SH3RF2: variants seen among roughly 807,000 people sequenced by gnomAD.
SH3RF2 encodes the protein E3 ubiquitin-protein ligase SH3RF2.
In SH3RF2, 43 loss-of-function variants were observed where a neutral mutation model predicts 59.0. That is an observed-to-expected ratio of 0.73 (90% CI 0.57 to 0.94). SH3RF2 has a LOEUF of 0.94. Ranked by LOEUF, SH3RF2 falls within the 40% of genes least tolerant of loss-of-function variation. The probability of loss-of-function intolerance (pLI) is 0.00; values close to 1 mark genes in which losing one functional copy is unlikely to be tolerated. For missense variants in SH3RF2, 930 were observed against 940.1 expected, an observed-to-expected ratio of 0.99 and a Z score of 0.14; for synonymous variants, 391 against 391.5, an observed-to-expected ratio of 1.00 and a Z score of 0.01.
downstream of SH3RF2, among the ~76,000 whole-genome samples, chr5:146,067,246 G>T (rs369130088): frequency 5.3e-5 from 8 of 152,266 alleles, 1 homozygote; most frequent in African/African-American, 4.8e-5. Flanking sequence ...GAAAAGTCAG[G>T]GGGTCCGTCC....
chr5:146,035,978 C>T (rs375906532), intron 5 of SH3RF2, among the ~76,000 whole-genome samples: 4 of 152,156 alleles, frequency 2.6e-5, no homozygotes, highest in African/African-American at 4.8e-5. Flanking sequence ...GAGTAAATGC[C>T]GTGAGGAGAA....
intron 4 of SH3RF2, among the ~76,000 whole-genome samples, chr5:146,009,555 G>A (rs778326222): frequency 2.0e-4 from 30 of 151,994 alleles, no homozygotes; most frequent in African/African-American, 6.0e-4. Flanking sequence ...CCACCTTCTC[G>A]GCAGATCTTC....
At chr5:146,045,754 G>T (rs11740577) in intron 5 of SH3RF2, among the ~76,000 whole-genome samples, 2 of 152,012 alleles carry the variant, frequency 1.3e-5, no homozygotes, top group Non-Finnish European at 1.5e-5. Flanking sequence ...GTTGTTTCCC[G>T]CTTTGGGTTA....
At chr5:145,953,921 G>C (rs1561707345) in intron 2 of SH3RF2, among the ~76,000 whole-genome samples, 1 of 152,168 alleles carries the variant, frequency 6.6e-6, no homozygotes, top group Non-Finnish European at 1.5e-5. Context: ...GTATTTCACG[G>C]TGTATATATA....
At chr5:145,998,818 G>C (rs1294331857) in intron 2 of SH3RF2, among the ~76,000 whole-genome samples, 1 of 152,158 alleles carries the variant, frequency 6.6e-6, no homozygotes, top group Non-Finnish European at 1.5e-5. Context: ...GGCTGAGGCA[G>C]GAGAATCACT....
At chr5:146,011,308 T>C (rs1177276840) in intron 4 of SH3RF2, among the ~76,000 whole-genome samples, 1 of 152,154 alleles carries the variant, frequency 6.6e-6, no homozygotes, top group African/African-American at 2.4e-5. Flanking sequence ...TGAAGTCAGG[T>C]AGCGTGATGC....
chr5:146,004,840 A>C (rs1760574891), intron 4 of SH3RF2, among the ~76,000 whole-genome samples: 1 of 152,178 alleles, frequency 6.6e-6, no homozygotes, highest in Non-Finnish European at 1.5e-5. Context: ...AGAGTTCTAA[A>C]GATCTGTTTC....
At chr5:145,937,727 T>C (rs992861441) in intron 1 of SH3RF2, 96 bp from the exon 2 acceptor site, 2 of 608,812 alleles carry the variant, frequency 3.3e-6, no homozygotes, top group Admixed American at 3.0e-5. Flanking sequence ...ACAAAGTACT[T>C]GCAAACTGCC....
At chr5:145,977,116 A>T (rs777634883) in intron 2 of SH3RF2, among the ~76,000 whole-genome samples, 2 of 152,256 alleles carry the variant, frequency 1.3e-5, no homozygotes, top group African/African-American at 4.8e-5. Flanking sequence ...GCCTCGGCAG[A>T]GGCCAAGCAA....
chr5:146,063,720 C>A (rs1762977185), downstream of SH3RF2, among the ~76,000 whole-genome samples: 1 of 152,064 alleles, frequency 6.6e-6, no homozygotes, highest in African/African-American at 2.4e-5. Context: ...ATTAGCCAGG[C>A]ATGATGGCGC....
intron 5 of SH3RF2, among the ~76,000 whole-genome samples, chr5:146,021,138 T>C (rs914047278): frequency 6.6e-6 from 1 of 151,882 alleles, no homozygotes; most frequent in Non-Finnish European, 1.5e-5. Context: ...AATGGTTTAC[T>C]TAGCACTAAT....
At position 146,009,242 on chromosome 5, in the gene SH3RF2, T is replaced by A. The variant is rs112139424; in HGVS notation, c.745-4505T>A. ...AGCTTTTAAAAGCATAAATCAGATCTTATCACTCCTCTACCTAAGTCCTGC... is the reference window on the plus strand; with the variant it reads ...AGCTTTTAAAAGCATAAATCAGATCATATCACTCCTCTACCTAAGTCCTGC... On this transcript the variant is annotated intron_variant, in intron 4 of 9. Coordinates refer to ENST00000359120, the MANE Select transcript of SH3RF2 (RefSeq NM_152550.4). 9.8e-5 allele frequency among the ~76,000 whole-genome samples: 15 copies of A among 152,318 alleles called. 3 individuals carry two copies. The highest frequency in any genetic ancestry group is 3.6e-4 in the African/African-American group (15 of 41,566).
At chr5:145,996,167 G>A (rs979337169) in intron 2 of SH3RF2, among the ~76,000 whole-genome samples, 6 of 152,136 alleles carry the variant, frequency 3.9e-5, no homozygotes, top group African/African-American at 7.2e-5. Context: ...TAAGCTGCTC[G>A]GAATTCTTCT....
At chr5:146,022,874 A>AC (rs1761381169) in intron 5 of SH3RF2, among the ~76,000 whole-genome samples, 1 of 141,964 alleles carries the variant, frequency 7.0e-6, no homozygotes, top group Admixed American at 6.9e-5. Context: ...GCTCCATCTA[A>AC]ACACACACAC....
intron 5 of SH3RF2, among the ~76,000 whole-genome samples, chr5:146,034,356 G>A (rs1761852785): frequency 6.6e-6 from 1 of 152,194 alleles, no homozygotes; most frequent in Non-Finnish European, 1.5e-5. Context: ...GGCACCACAG[G>A]CTGGGACCTC....
chr5:146,003,683 G>A (rs1459674905), intron 3 of SH3RF2, among the ~76,000 whole-genome samples: 4 of 152,142 alleles, frequency 2.6e-5, no homozygotes, highest in African/African-American at 9.6e-5. Flanking sequence ...TCTTCAAAAT[G>A]AGCATAAAAT....
chr5:146,012,345 C>T (rs1331605425), intron 4 of SH3RF2, among the ~76,000 whole-genome samples: 1 of 152,122 alleles, frequency 6.6e-6, no homozygotes, highest in African/African-American at 2.4e-5. Flanking sequence ...GTGTCTCTGC[C>T]AGGCTTTGGT....
chr5:146,001,294 G>A (rs747037125), intron 3 of SH3RF2, among the ~76,000 whole-genome samples: 12 of 152,190 alleles, frequency 7.9e-5, no homozygotes, highest in South Asian at 2.1e-4. Flanking sequence ...GTGATAAGTA[G>A]ATCAAATGTA....
At chr5:146,069,862 C>A (rs1480717727) in intron 9 of SH3RF2, among the ~76,000 whole-genome samples, 2 of 152,020 alleles carry the variant, frequency 1.3e-5, no homozygotes, top group African/African-American at 4.8e-5. Flanking sequence ...GTGTGAGCCA[C>A]CATGCCTGGC....
Sources: gnomAD v4.1 joint callset for allele counts (sites outside exome capture counted in the v4.1 genomes callset) on GRCh38, gnomAD v4.1.1 for gene constraint, MANE v1.5 for transcripts, NCBI Gene and HGNC (gene_info 2026-07-23, HGNC 2026-07-21) for gene names.